Variants in TCF25 observed in about 807,000 individuals in gnomAD.
The protein encoded by TCF25 is ribosome quality control complex subunit TCF25.
Under a neutral mutation model 83.1 loss-of-function variants are expected in TCF25, and 41 were observed. The observed-to-expected ratio is 0.49, with a 90% CI of 0.38 to 0.64. The LOEUF (loss-of-function observed/expected upper bound fraction) is 0.64, where lower values mean the gene tolerates loss of function less well. Among genes scored for constraint, TCF25 ranks in the 30% least tolerant of loss-of-function variants. TCF25 has a pLI of 0.00. For synonymous variants in TCF25, 458 were observed against 365.0 expected (o/e 1.25, Z -2.90); for missense variants, 979 against 914.5 (o/e 1.07, Z -0.91).
At position 89,883,454 on chromosome 16, in the gene TCF25, G is replaced by C. The variant is rs776780031; in HGVS notation, c.296G>C (p.Arg99Pro). ...CCAGGGAACAAAGGAAGGGGTCAGC[G>C]TGGAAACACAGAGAGCAAGACGGAT... ...VAPGNKGRGQ[R>P]GNTESKTDGD... is the part of the protein sequence containing the mutation. Residue 99 changes from arginine (R) to proline (P), a missense_variant, in exon 2 of 18, where the codon CGT (arginine) becomes CCT (proline). Transcript: ENST00000263346. 6.2e-7 allele frequency: 1 copy of C among 1,613,936 alleles called. No homozygotes were observed. Among genetic ancestry groups the C allele is most frequent in the East Asian group, 2.2e-5 (1 of 44,878 alleles).
At chr16:89,883,842 C>T (rs1447232283) in intron 2 of TCF25, 5 of 256,762 alleles carry the variant, frequency 1.9e-5, no homozygotes, top group East Asian at 7.6e-5. Flanking sequence ...CGACCGCGCA[C>T]GTGTGTCCTT....
chr16:89,900,968 C>A, intron 12 of TCF25, 174 bp downstream of exon 12: 1 of 733,172 alleles, frequency 1.4e-6, no homozygotes, highest in Middle Eastern at 4.4e-4. Context: ...GTCGGCTCAT[C>A]TCGGAACCCG....
At chr16:89,906,437 T>G in intron 15 of TCF25, 153 bp downstream of exon 15, 1 of 658,810 alleles carries the variant, frequency 1.5e-6, no homozygotes, top group Non-Finnish European at 2.6e-6. Context: ...TGCAGAGGGC[T>G]CCTCCTTTCC....
chr16:89,880,000 T>C (rs890195206), intron 1 of TCF25, among the ~76,000 whole-genome samples: 4 of 151,194 alleles, frequency 2.6e-5, no homozygotes, highest in African/African-American at 9.7e-5. Context: ...GTGCTGTCCA[T>C]GTACACAGGC....
rs540568865 is a variant in TCF25, at chr16:89,875,712, T to TG, written c.192+1857dup. On this transcript the variant is annotated intron_variant, in intron 1 of 17. Transcript: ENST00000263346. ...TAATTTTTTGTATTTTTAGTAGAGA[T>TG]GGGGTTTCACCATGTTAGCCAGGAT... 1.9e-4 allele frequency among the ~76,000 whole-genome samples: 29 copies of TG among 150,648 alleles called. 1 individual carries two copies. In the South Asian group the frequency reaches 5.9e-3, roughly 31 times the overall value.
At chr16:89,888,981 C>T (rs2043222315) in intron 5 of TCF25, among the ~76,000 whole-genome samples, 1 of 151,648 alleles carries the variant, frequency 6.6e-6, no homozygotes, top group South Asian at 2.1e-4. Flanking sequence ...GCCATGGCGC[C>T]CGGCCCAGAT....
intron 1 of TCF25, chr16:89,878,491 A>G: frequency 8.0e-7 from 1 of 1,248,922 alleles, no homozygotes; most frequent in Non-Finnish European, 1.0e-6. Flanking sequence ...TCCCCCTAAA[A>G]AAAGATAAAA....
intron 10 of TCF25, 25 bp from the exon 11 acceptor site, chr16:89,898,742 C>T: frequency 6.2e-7 from 1 of 1,613,566 alleles, no homozygotes; most frequent in South Asian, 1.1e-5. Context: ...CCCCTTTGCT[C>T]TGCTCTCTGT....
intron 11 of TCF25, among the ~76,000 whole-genome samples, chr16:89,899,858 G>A (rs568208411): frequency 4.6e-5 from 7 of 152,344 alleles, no homozygotes; most frequent in South Asian, 2.1e-4. Context: ...GGGAGAAGGC[G>A]ACAGCTCTTG....
intron 11 of TCF25, among the ~76,000 whole-genome samples, chr16:89,899,658 G>T (rs1420816145): frequency 1.3e-5 from 2 of 152,182 alleles, no homozygotes; most frequent in African/African-American, 2.4e-5. Flanking sequence ...AACCTGGGAG[G>T]TGGAGGTTGC....
chr16:89,903,163 G>C (rs2044487613), intron 12 of TCF25, among the ~76,000 whole-genome samples: 2 of 152,258 alleles, frequency 1.3e-5, no homozygotes, highest in Admixed American at 6.5e-5. Context: ...TGTGTCACAG[G>C]CTGTAGCGTC....
chr16:89,884,412 G>T (rs911589991), intron 2 of TCF25, among the ~76,000 whole-genome samples, 170 bp from the exon 3 acceptor site: 1 of 152,148 alleles, frequency 6.6e-6, no homozygotes, highest in Non-Finnish European at 1.5e-5. Flanking sequence ...GGCTCGGAGA[G>T]GTGGGAAGGT....
intron 9 of TCF25, among the ~76,000 whole-genome samples, chr16:89,896,960 G>A (rs759809138): frequency 6.6e-6 from 1 of 151,942 alleles, no homozygotes; most frequent in African/African-American, 2.4e-5. Flanking sequence ...CCAGGAGGTC[G>A]AGGCTGCAGT....
rs780732952 is a variant in TCF25 at position 89,906,275 on chromosome 16, C to T, written c.1710C>T (p.Ala570=). The change falls in exon 15 of 18, where the codon GCC becomes GCT. Residue 570 remains alanine (A), a synonymous_variant. Coordinates refer to ENST00000263346, the MANE Select transcript of TCF25 (RefSeq NM_014972.3). ...CTGAGATCAAGGAAGCCGTCGCTGC[C>T]CTGCCCCCGGTAAGGGAGAAAGGCT... ...ILSEIKEAVA[A]LPPDVTTQSV... 1.2e-6 allele frequency: 2 copies of T among 1,613,114 alleles called. No individual in the cohort carries two copies. Among genetic ancestry groups the T allele is most frequent in the Non-Finnish European group, 1.7e-6 (2 of 1,179,946 alleles).
intron 1 of TCF25, among the ~76,000 whole-genome samples, chr16:89,880,072 A>G (rs1202382914): frequency 6.6e-6 from 1 of 150,938 alleles, no homozygotes; most frequent in Non-Finnish European, 1.5e-5. Context: ...AGCCTGTCAC[A>G]CGTGTTGTCC....
chr16:89,873,859 G>A lies in TCF25; in HGVS notation c.192G>A (p.Leu64=). 2.0e-6 allele frequency: 3 copies of A among 1,532,004 alleles called. No individual in the cohort carries two copies. Among genetic ancestry groups the A allele is most frequent in the Non-Finnish European group, 2.6e-6 (3 of 1,139,750 alleles). 94.9% of individuals were successfully genotyped at this position (1,532,004 alleles called of 1,614,324 possible). A position where few individuals can be genotyped will look rare whatever the true frequency, so the allele number is the denominator to read the frequency against. Residue 64 remains leucine (L), a splice_region_variant and synonymous_variant, in exon 1 of 18, where the codon CTG becomes CTA. Transcript: ENST00000263346. Reference sequence around the variant, plus strand: ...TCCGAGTCAACAACCGCTTCGAGCTGGTGAGGAGCGCGGCGGCCCGGGTGG... The same window carrying A: ...TCCGAGTCAACAACCGCTTCGAGCTAGTGAGGAGCGCGGCGGCCCGGGTGG... ...EGVRVNNRFE[L]INIDDLEDDP...
intron 7 of TCF25, among the ~76,000 whole-genome samples, chr16:89,894,388 A>G (rs78908302): frequency 0.21 from 29,289 of 140,200 alleles, 3,024 homozygotes; most frequent in Middle Eastern, 0.36. Context: ...AGCCCCAGAC[A>G]GCCCCCGGGC....
intron 1 of TCF25, among the ~76,000 whole-genome samples, chr16:89,880,320 A>C (rs9928189): frequency 0.048 from 7,346 of 152,312 alleles, 488 homozygotes; most frequent in African/African-American, 0.14. Context: ...GCGGTGGCTC[A>C]CGCCTGTAAT....
chr16:89,897,676 C>T (rs572014175), intron 9 of TCF25, among the ~76,000 whole-genome samples: 28 of 152,332 alleles, frequency 1.8e-4, no homozygotes, highest in Non-Finnish European at 3.8e-4. Flanking sequence ...TAGCAGCCCA[C>T]CAGCATCCGA....
Sources: gnomAD v4.1 joint callset for allele counts (sites outside exome capture counted in the v4.1 genomes callset) on GRCh38, gnomAD v4.1.1 for gene constraint, MANE v1.5 for transcripts, NCBI Gene and HGNC (gene_info 2026-07-23, HGNC 2026-07-21) for gene names.